The following ZNRF1 variants were observed in gnomAD, a reference collection of about 807,000 sequenced individuals.
ZNRF1 encodes E3 ubiquitin-protein ligase ZNRF1.
A neutral mutation model predicts 18.4 loss-of-function variants in ZNRF1; 3 were observed. The observed-to-expected ratio is 0.16, with a 90% CI of 0.07 to 0.42. The LOEUF (loss-of-function observed/expected upper bound fraction) is 0.42, where lower values mean the gene tolerates loss of function less well. Ranked by LOEUF, ZNRF1 falls within the 10% of genes least tolerant of loss-of-function variation. ZNRF1 has a pLI of 0.99. For missense variants in ZNRF1, 310 were observed against 329.8 expected (o/e 0.94, Z 0.47); for synonymous variants, 157 against 144.2 (o/e 1.09, Z -0.64).
At chr16:75,095,705 G>T (rs1220526680) in intron 2 of ZNRF1, 1 of 1,548,816 alleles carries the variant, frequency 6.5e-7, no homozygotes, top group East Asian at 2.4e-5. Context: ...GGCCCCCATG[G>T]CCCAAATGCA....
chr16:75,062,954 C>T (rs2035760989), intron 1 of ZNRF1, among the ~76,000 whole-genome samples: 1 of 152,192 alleles, frequency 6.6e-6, no homozygotes, highest in Non-Finnish European at 1.5e-5. Context: ...TGCCCCCTTT[C>T]TTCAGGGTGG....
chr16:75,061,065 A>G (rs901324992), intron 1 of ZNRF1, among the ~76,000 whole-genome samples: 1 of 152,168 alleles, frequency 6.6e-6, no homozygotes, highest in African/African-American at 2.4e-5. Context: ...GGTACATGAG[A>G]TGTTTTGATA....
At chr16:75,058,363 T>G (rs1271426414) in intron 1 of ZNRF1, among the ~76,000 whole-genome samples, 1 of 152,114 alleles carries the variant, frequency 6.6e-6, no homozygotes, top group African/African-American at 2.4e-5. Context: ...TTTTTCTACT[T>G]TGGCTTTCAG....
At chr16:75,075,179 G>C (rs2035923611) in intron 1 of ZNRF1, among the ~76,000 whole-genome samples, 1 of 152,212 alleles carries the variant, frequency 6.6e-6, no homozygotes, top group African/African-American at 2.4e-5. Flanking sequence ...GGCTGTCCTA[G>C]CTGTCTGTGA....
rs552370720 is a variant in ZNRF1 at position 75,034,799 on chromosome 16, G to T, written c.424+34704G>T. 4.6e-5 allele frequency among the ~76,000 whole-genome samples: 7 copies of T among 151,214 alleles called. 1 individual carries two copies. The South Asian group carries it at 1.0e-3, about 23-fold the overall frequency. On this transcript the variant is annotated intron_variant, in intron 1 of 4. Coordinates refer to ENST00000335325, the MANE Select transcript of ZNRF1 (RefSeq NM_032268.5). ...GCACCACTATACCTGGCTAATTTTT[G>T]TAATTTTAGTAGAGACAGGGTTTTG...
chr16:75,071,361 A>G (rs62059179), intron 1 of ZNRF1, among the ~76,000 whole-genome samples: 11 of 152,026 alleles, frequency 7.2e-5, no homozygotes, highest in Admixed American at 2.6e-4. Context: ...TGGCCTCCCA[A>G]TTACGGGTGT....
rs371386678 is a variant in ZNRF1 at position 75,015,087 on chromosome 16, TCA to T, written c.424+14993_424+14994del. ...ATATGTAATGTAGATGTGTCTTCTC[TCA>T]GTTTGTGGCTTATCTCTTTATTCTC... On this transcript the variant is annotated intron_variant, in intron 1 of 4. Coordinates refer to ENST00000335325, the MANE Select transcript of ZNRF1 (RefSeq NM_032268.5). 7.3e-3 allele frequency among the ~76,000 whole-genome samples: 1,113 copies of T among 152,300 alleles called. 12 individuals are homozygous for T. The highest frequency in any genetic ancestry group is 0.026 in the African/African-American group (1,081 of 41,572).
chr16:75,052,196 C>T (rs995375955), intron 1 of ZNRF1, among the ~76,000 whole-genome samples: 6 of 151,944 alleles, frequency 3.9e-5, no homozygotes, highest in African/African-American at 7.3e-5. Context: ...CCCAGAAGTT[C>T]GAGACCAACT....
chr16:75,050,172 T>G (rs2035574872), intron 1 of ZNRF1, among the ~76,000 whole-genome samples: 1 of 152,314 alleles, frequency 6.6e-6, no homozygotes, highest in Non-Finnish European at 1.5e-5. Context: ...TTTTTATTGC[T>G]AAGTAGTAGT....
At chr16:75,016,016 G>A (rs1446794979) in intron 1 of ZNRF1, among the ~76,000 whole-genome samples, 7 of 151,176 alleles carry the variant, frequency 4.6e-5, no homozygotes, top group African/African-American at 1.7e-4. Context: ...CGCCTCCCGG[G>A]TTCATACCAT....
intron 1 of ZNRF1, among the ~76,000 whole-genome samples, chr16:75,074,540 G>T (rs926000398): frequency 6.6e-6 from 1 of 152,152 alleles, no homozygotes; most frequent in Non-Finnish European, 1.5e-5. Flanking sequence ...AAGATCAGAT[G>T]ACCATATAAT....
intron 1 of ZNRF1, among the ~76,000 whole-genome samples, chr16:75,029,339 G>A (rs1363051376): frequency 2.0e-5 from 3 of 151,974 alleles, no homozygotes; most frequent in Middle Eastern, 3.4e-3. Context: ...TAGTAGAGAC[G>A]GGGTTCTACC....
chr16:75,050,606 C>T (rs900114316), intron 1 of ZNRF1, among the ~76,000 whole-genome samples: 1 of 151,830 alleles, frequency 6.6e-6, no homozygotes, highest in Non-Finnish European at 1.5e-5. Flanking sequence ...CGGTGGCTCA[C>T]GCCTGTAATC....
At chr16:75,020,528 G>GGCTTT (rs1277315613) in intron 1 of ZNRF1, among the ~76,000 whole-genome samples, 14 of 151,330 alleles carry the variant, frequency 9.3e-5, no homozygotes, top group South Asian at 2.1e-4. Context: ...CTCCTTTTCA[G>GGCTTT]TCTTTTCTTT....
chr16:75,010,719 G>GTTTTTT (rs71158572), intron 1 of ZNRF1, among the ~76,000 whole-genome samples: 1 of 85,048 alleles, frequency 1.2e-5, no homozygotes, highest in Non-Finnish European at 2.6e-5. Flanking sequence ...TTGTTTTTTT[G>GTTTTTT]TTTTTTTTTT....
At position 75,010,711 on chromosome 16, in the gene ZNRF1, G is replaced by GTGTTTT. The variant is rs1367958306; in HGVS notation, c.424+10617_424+10618insGTTTTT. ...CCTCTGTACTGTACTGTTTTTTTTT[G>GTGTTTT]TTTTTTTGTTTTTTTTTTTTTGAGG... On this transcript the variant is annotated intron_variant, in intron 1 of 4. Transcript: ENST00000335325. Among the ~76,000 whole-genome samples the GTGTTTT allele has an allele frequency of 1.1e-3, 81 of 74,338 alleles. 1 individual carries two copies. Among genetic ancestry groups the GTGTTTT allele is most frequent in the African/African-American group, 3.0e-3 (78 of 25,794 alleles). The allele number at this position is 74,338 out of a possible 152,430, so 48.8% of individuals were successfully genotyped here.
chr16:75,046,196 C>T (rs1380475214), intron 1 of ZNRF1, among the ~76,000 whole-genome samples: 2 of 151,698 alleles, frequency 1.3e-5, no homozygotes, highest in East Asian at 1.9e-4. Context: ...TGTGAGCCAC[C>T]GCGCCCAGCC....
At chr16:75,085,791 TGAGAGAGA>T (rs71378737) in intron 1 of ZNRF1, among the ~76,000 whole-genome samples, 18 of 139,140 alleles carry the variant, frequency 1.3e-4, no homozygotes, top group Admixed American at 3.6e-4. Flanking sequence ...TCCGACAGAG[TGAGAGAGA>T]GAGAGAGAGA....
chr16:75,083,657 T>C (rs1437243173), intron 1 of ZNRF1, among the ~76,000 whole-genome samples: 1 of 152,170 alleles, frequency 6.6e-6, no homozygotes, highest in Admixed American at 6.5e-5. Flanking sequence ...GAAGCCTATA[T>C]TTGTAAAGAG....
Sources: gnomAD v4.1 joint callset for allele counts (sites outside exome capture counted in the v4.1 genomes callset) on GRCh38, gnomAD v4.1.1 for gene constraint, MANE v1.5 for transcripts, NCBI Gene and HGNC (gene_info 2026-07-23, HGNC 2026-07-21) for gene names.